Variants in LPIN1 observed in about 807,000 individuals in gnomAD.
The protein encoded by LPIN1 is lipin 1.
A neutral mutation model predicts 107.5 loss-of-function variants in LPIN1; 71 were observed. The observed-to-expected ratio is 0.66, with a 90% CI of 0.55 to 0.80. The LOEUF is 0.80. Ranked by LOEUF, LPIN1 falls within the 30% of genes least tolerant of loss-of-function variation. LPIN1 has a pLI of 0.00. For synonymous variants in LPIN1, 445 were observed against 452.6 expected, an observed-to-expected ratio of 0.98 and a Z score of 0.21; for missense variants, 1,043 against 1,160.6, an observed-to-expected ratio of 0.90 and a Z score of 1.47.
At chr2:11,784,709 A>G in intron 9 of LPIN1, 177 bp from the exon 10 acceptor site, 1 of 698,086 alleles carries the variant, frequency 1.4e-6, no homozygotes, top group Non-Finnish European at 2.6e-6. Flanking sequence ...TTTCTCTCCT[A>G]AGCTAAGGCG....
intron 2 of LPIN1, among the ~76,000 whole-genome samples, chr2:11,718,735 A>G (rs1663917365): frequency 6.6e-6 from 1 of 152,036 alleles, no homozygotes. Context: ...AGCTTTTAGG[A>G]TCTTCTGCTA....
At chr2:11,704,052 C>G (rs992594556) in intron 1 of LPIN1, among the ~76,000 whole-genome samples, 2 of 152,224 alleles carry the variant, frequency 1.3e-5, no homozygotes, top group African/African-American at 4.8e-5. Context: ...CAAAGCCTCT[C>G]AGGCTTGGCA....
chr2:11,683,521 G>T (rs753513787), intron 1 of LPIN1, among the ~76,000 whole-genome samples: 2 of 152,184 alleles, frequency 1.3e-5, no homozygotes, highest in Non-Finnish European at 2.9e-5. Flanking sequence ...GAACGTGAGG[G>T]ATGGGGATGA....
intron 3 of LPIN1, among the ~76,000 whole-genome samples, chr2:11,770,157 C>G (rs1375179515): frequency 2.0e-5 from 3 of 152,196 alleles, no homozygotes; most frequent in African/African-American, 7.2e-5. Context: ...TTGTACCTGG[C>G]TTTAGATAGA....
rs911321499 is a variant in LPIN1, at chr2:11,826,621, T to A, written c.*1830T>A. On this transcript the variant is annotated 3_prime_UTR_variant, in exon 21 of 21. Coordinates refer to ENST00000674199, the MANE Select transcript of LPIN1 (RefSeq NM_001349206.2). ...CATTCTTTATGCAATGAGGGTATTT[T>A]TGAGTGAATTTTAACTGCTCTGAAC... 5 of 152,096 alleles carry A rather than the reference T, an allele frequency of 3.3e-5. No homozygotes were observed. The highest frequency in any genetic ancestry group is 7.3e-5 in the Non-Finnish European group (5 of 68,042). 9.4% of individuals were successfully genotyped at this position (152,096 alleles called of 1,614,324 possible).
At position 11,821,570 on chromosome 2, in the gene LPIN1, T is replaced by C. The variant is rs534873359; in HGVS notation, c.2621+1056T>C. 7.2e-5 allele frequency among the ~76,000 whole-genome samples: 11 copies of C among 152,334 alleles called. 1 individual carries two copies. The highest frequency in any genetic ancestry group is 2.4e-4 in the African/African-American group (10 of 41,582). On this transcript the variant is annotated intron_variant, in intron 20 of 20. Coordinates refer to ENST00000674199, the MANE Select transcript of LPIN1 (RefSeq NM_001349206.2). ...GGCCCCAGATAGCCCGAGGGGTTCC[T>C]CTTTATCTGGAGGAGTTAGACTGGG... is the stretch of plus-strand genomic sequence containing the variant.
chr2:11,791,761 C>T (rs1219760613), intron 12 of LPIN1, 153 bp from the exon 13 acceptor site: 10 of 1,485,502 alleles, frequency 6.7e-6, no homozygotes, highest in Non-Finnish European at 9.0e-6. Context: ...GGTTTTGCTT[C>T]TCTAAAATTT....
upstream of LPIN1, among the ~76,000 whole-genome samples, chr2:11,719,791 C>CCT (rs377206259): frequency 2.9e-4 from 38 of 132,778 alleles, no homozygotes; most frequent in Middle Eastern, 4.1e-3. Context: ...CCAATTGCTT[C>CCT]TTTTTTTTTT....
rs931078699 is a variant in LPIN1 at position 11,819,597 on chromosome 2, C to T, written c.2516C>T (p.Ala839Val). The T allele has an allele frequency of 6.2e-7, 1 of 1,609,956 alleles. No individual in the cohort carries two copies. The highest frequency in any genetic ancestry group is 8.5e-7 in the Non-Finnish European group (1 of 1,176,320). The change falls in exon 19 of 21, where the codon GCT (alanine) becomes GTT (valine). Residue 839 changes from alanine (A) to valine (V), a missense_variant and splice_region_variant. Coordinates refer to ENST00000674199, the MANE Select transcript of LPIN1 (RefSeq NM_001349206.2). ...TATGCTGCTTTTGGAAACCGACCAG[C>T]TGTAAGTAGTAGATTGGGTATAGAA... The part of the protein sequence containing the change: ...PFYAAFGNRP[A>V]DVYSYKQVGV...
chr2:11,699,217 C>T (rs1045997620), intron 1 of LPIN1, among the ~76,000 whole-genome samples: 1 of 152,174 alleles, frequency 6.6e-6, no homozygotes. Context: ...AAATCAGTAA[C>T]GGGTCCTCAG....
intron 1 of LPIN1, among the ~76,000 whole-genome samples, chr2:11,685,872 C>G (rs1303310473): frequency 6.6e-6 from 1 of 152,190 alleles, no homozygotes; most frequent in Non-Finnish European, 1.5e-5. Context: ...CACATTCTCC[C>G]CGTGCCTCTG....
At chr2:11,789,788 A>G (rs183171352) in intron 12 of LPIN1, among the ~76,000 whole-genome samples, 2 of 141,672 alleles carry the variant, frequency 1.4e-5, no homozygotes, top group East Asian at 4.0e-4. Flanking sequence ...TGCAATAGCA[A>G]TATAGCTAAA....
In LPIN1 at chr2:11,715,058, A is replaced by C. The variant is rs1663642927; in HGVS notation, c.138+1246A>C. Among the ~76,000 whole-genome samples the C allele has an allele frequency of 3.3e-5, 5 of 152,334 alleles. No homozygotes were observed. The South Asian group carries it at 1.0e-3, about 32-fold the overall frequency. On this transcript the variant is annotated intron_variant, in intron 2 of 21. Coordinates refer to the LPIN1 transcript ENST00000449576. ...CAAATGGAGGCCAGGAATCCTGAGG[A>C]GAGAGCAGTTAGTGGCAGTTATGCC...
At chr2:11,762,240 C>T (rs1031247347) in intron 1 of LPIN1, among the ~76,000 whole-genome samples, 10 of 152,068 alleles carry the variant, frequency 6.6e-5, no homozygotes, top group African/African-American at 1.4e-4. Flanking sequence ...GCGGTGGAGG[C>T]GGCGGTGGTG....
chr2:11,687,615 T>TCTGGCTCTATCC (rs1209110720), intron 1 of LPIN1, among the ~76,000 whole-genome samples: 1 of 152,234 alleles, frequency 6.6e-6, no homozygotes, highest in Non-Finnish European at 1.5e-5. Context: ...GTTCAGAGAA[T>TCTGGCTCTATCC]CTGGCTCTAT....
chr2:11,755,985 T>C (rs923692607), intron 1 of LPIN1, among the ~76,000 whole-genome samples: 1 of 152,210 alleles, frequency 6.6e-6, no homozygotes, highest in African/African-American at 2.4e-5. Context: ...CCTCCCAAAG[T>C]GCTGGGATCA....
intron 1 of LPIN1, among the ~76,000 whole-genome samples, chr2:11,728,871 A>G (rs1299469975): frequency 6.6e-6 from 1 of 152,144 alleles, no homozygotes; most frequent in Non-Finnish European, 1.5e-5. Context: ...TAAAATATGT[A>G]TAAGTTCCTT....
Position 11,825,752 on chromosome 2 carries a change from T to C in LPIN1, c.*961T>C, listed in dbSNP as rs1315710678. On this transcript the variant is annotated 3_prime_UTR_variant, in exon 21 of 21. Transcript: ENST00000674199. The surrounding 1 kb of genome is among the most constrained non-coding windows in gnomAD (Gnocchi z 4.1). Reference sequence around the variant, plus strand: ...AAGAAACTGGTTGGTTTTAAGAAAATAGTTTCAAGAAGTTCAACTATATTC... The same window carrying C: ...AAGAAACTGGTTGGTTTTAAGAAAACAGTTTCAAGAAGTTCAACTATATTC... 3 of 152,276 alleles carry C rather than the reference T, an allele frequency of 2.0e-5. No individual in the cohort carries two copies. The highest frequency in any genetic ancestry group is 1.3e-4 in the Admixed American group (2 of 15,282). The allele number at this position is 152,276 out of a possible 1,614,324, so 9.4% of individuals were successfully genotyped here. A position where few individuals can be genotyped will look rare whatever the true frequency, so the allele number is the denominator to read the frequency against.
upstream of LPIN1, chr2:11,724,102 G>T (rs13418215): frequency 6.6e-6 from 1 of 152,334 alleles, no homozygotes; most frequent in Non-Finnish European, 1.5e-5. Flanking sequence ...ATTTGATTTC[G>T]TGAAAGAACC....
Sources: gnomAD v4.1 joint callset for allele counts (sites outside exome capture counted in the v4.1 genomes callset) on GRCh38, gnomAD v4.1.1 for gene constraint, Gnocchi (gnomAD v3.1) non-coding constraint, MANE v1.5 for transcripts, NCBI Gene and HGNC (gene_info 2026-07-23, HGNC 2026-07-21) for gene names.